ERBB4: variants seen among roughly 807,000 people sequenced by gnomAD.
ERBB4 encodes erb-b2 receptor tyrosine kinase 4.
Under a neutral mutation model 158.0 loss-of-function variants are expected in ERBB4, and 42 were observed. The ratio of observed to expected loss-of-function variants is 0.27; its 90% CI spans 0.21 to 0.34. The LOEUF (loss-of-function observed/expected upper bound fraction) is 0.34, where lower values mean the gene tolerates loss of function less well. ERBB4 is among the 10% of genes least tolerant of loss of function. The pLI is 1.00. For missense variants in ERBB4, 1,333 were observed against 1,624.1 expected (o/e 0.82, Z 3.08); for synonymous variants, 583 against 558.7 (o/e 1.04, Z -0.61).
chr2:211,716,495 T>C (rs2073912324), intron 7 of ERBB4, among the ~76,000 whole-genome samples: 1 of 143,646 alleles, frequency 7.0e-6, no homozygotes, highest in Non-Finnish European at 1.5e-5. Flanking sequence ...GCTAACACGG[T>C]GAAACCCCGT....
intron 1 of ERBB4, among the ~76,000 whole-genome samples, chr2:212,522,173 ACAAG>A (rs565663648): frequency 7.6e-4 from 115 of 152,130 alleles, no homozygotes; most frequent in African/African-American, 2.6e-3. Context: ...AGCCACCTGC[ACAAG>A]TGTGGCCATT....
Position 212,474,626 on chromosome 2 carries a change from G to A in ERBB4, c.82+63823C>T, listed in dbSNP as rs766253508. Among the ~76,000 whole-genome samples, 2 of 151,892 alleles carry A rather than the reference G, an allele frequency of 1.3e-5. 1 individual carries two copies. The highest frequency in any genetic ancestry group is 4.1e-4 in the South Asian group (2 of 4,822). On this transcript the variant is annotated intron_variant, in intron 1 of 27. Transcript: ENST00000342788. ...TTCCTGAAGGTTTTGTCCTTGTCTTGCTCCTCCTCTCCGTCTTTTTGACCC... is the reference window on the plus strand; with the variant it reads ...TTCCTGAAGGTTTTGTCCTTGTCTTACTCCTCCTCTCCGTCTTTTTGACCC...
At chr2:211,498,404 A>T (rs1236103513) in intron 20 of ERBB4, among the ~76,000 whole-genome samples, 2 of 152,106 alleles carry the variant, frequency 1.3e-5, no homozygotes, top group African/African-American at 2.4e-5. Context: ...TTAAAGTTTT[A>T]TATATATCTA....
chr2:211,714,187 A>G (rs1453146821), intron 7 of ERBB4, among the ~76,000 whole-genome samples: 5 of 152,256 alleles, frequency 3.3e-5, no homozygotes, highest in Admixed American at 1.3e-4. Flanking sequence ...TGGAAAAGGT[A>G]TATCAAATAG....
At chr2:212,001,746 C>A (rs571141670) in intron 2 of ERBB4, among the ~76,000 whole-genome samples, 1 of 152,088 alleles carries the variant, frequency 6.6e-6, no homozygotes. Context: ...GAAATAGCAT[C>A]TCTTTTCTTG....
intron 1 of ERBB4, among the ~76,000 whole-genome samples, chr2:212,265,474 T>A (rs569378297): frequency 1.3e-5 from 2 of 152,074 alleles, no homozygotes; most frequent in African/African-American, 4.8e-5. Flanking sequence ...ATAGCTCCTA[T>A]CCTAAGAACT....
At chr2:212,342,874 CTGATCTA>C (rs1322291254) in intron 1 of ERBB4, among the ~76,000 whole-genome samples, 2 of 152,164 alleles carry the variant, frequency 1.3e-5, no homozygotes, top group African/African-American at 4.8e-5. Flanking sequence ...TATCTAACTT[CTGATCTA>C]TGAGTAAATA....
chr2:212,319,271 A>G (rs911207770), intron 1 of ERBB4, among the ~76,000 whole-genome samples: 1 of 150,984 alleles, frequency 6.6e-6, no homozygotes, highest in African/African-American at 2.4e-5. Context: ...GTAAGGAACA[A>G]ATACACCCAC....
intron 1 of ERBB4, among the ~76,000 whole-genome samples, chr2:212,178,285 G>A (rs1054602037): frequency 6.6e-6 from 1 of 151,526 alleles, no homozygotes; most frequent in African/African-American, 2.4e-5. Context: ...ATTGGAGGAT[G>A]TTTAAGGTTT....
Position 211,754,140 on chromosome 2 carries a change from G to A in ERBB4, c.557-3436C>T, listed in dbSNP as rs924471278. 2.6e-5 allele frequency among the ~76,000 whole-genome samples: 4 copies of A among 152,156 alleles called. No homozygotes were observed. In the South Asian group the frequency reaches 6.2e-4, roughly 24 times the overall value. On this transcript the variant is annotated intron_variant, in intron 4 of 27. Coordinates refer to ENST00000342788, the MANE Select transcript of ERBB4 (RefSeq NM_005235.3). ...CTCCCAAAGTGCTGGGATTACAGGC[G>A]TAAGCCACCGCGCCTGGCCAAAAGT...
At chr2:211,977,584 TCCTAGCGCTTTGGGAG>T (rs2081648976) in intron 2 of ERBB4, among the ~76,000 whole-genome samples, 1 of 134,632 alleles carries the variant, frequency 7.4e-6, no homozygotes, top group African/African-American at 2.7e-5. Context: ...ATACCTGTAA[TCCTAGCGCTTTGGGAG>T]CCCAAGGCGG....
chr2:211,416,625 A>T (rs2063398685), intron 25 of ERBB4, among the ~76,000 whole-genome samples: 1 of 152,224 alleles, frequency 6.6e-6, no homozygotes, highest in South Asian at 2.1e-4. Context: ...AATTACTTGT[A>T]TAACAATCAG....
At chr2:211,583,236 C>A (rs1276641347) in intron 19 of ERBB4, among the ~76,000 whole-genome samples, 1 of 151,886 alleles carries the variant, frequency 6.6e-6, no homozygotes, top group Admixed American at 6.5e-5. Flanking sequence ...CAGCCATATT[C>A]TAAAAATAAT....
intron 5 of ERBB4, among the ~76,000 whole-genome samples, chr2:211,725,824 AAAGG>A (rs56406991): frequency 1.2e-4 from 18 of 150,500 alleles, no homozygotes; most frequent in East Asian, 7.7e-4. Context: ...ACGAGGAAAG[AAAGG>A]AAGGAAGGAA....
At chr2:211,699,169 G>A (rs1338839222) in intron 12 of ERBB4, among the ~76,000 whole-genome samples, 3 of 152,146 alleles carry the variant, frequency 2.0e-5, no homozygotes, top group Admixed American at 1.3e-4. Flanking sequence ...GCATGTAAAT[G>A]TAGGTGAGCA....
At chr2:211,946,478 T>A (rs2080694459) in intron 3 of ERBB4, among the ~76,000 whole-genome samples, 2 of 151,692 alleles carry the variant, frequency 1.3e-5, no homozygotes, top group South Asian at 4.1e-4. Flanking sequence ...ACTACAGGTT[T>A]GGATGCAAAA....
intron 3 of ERBB4, among the ~76,000 whole-genome samples, chr2:211,927,550 G>A (rs2080049158): frequency 1.3e-5 from 2 of 152,034 alleles, no homozygotes; most frequent in South Asian, 4.1e-4. Flanking sequence ...TAAATAATGA[G>A]ATTCTAAAAT....
chr2:211,389,709 AATG>A (rs1363044678), intron 25 of ERBB4, among the ~76,000 whole-genome samples: 1 of 152,192 alleles, frequency 6.6e-6, no homozygotes, highest in Non-Finnish European at 1.5e-5. Flanking sequence ...CTCCAGTTCC[AATG>A]ATAAGTGGTG....
At chr2:211,469,175 G>C (rs1463197422) in intron 20 of ERBB4, among the ~76,000 whole-genome samples, 1 of 152,098 alleles carries the variant, frequency 6.6e-6, no homozygotes, top group Non-Finnish European at 1.5e-5. Flanking sequence ...TCACCTTCCT[G>C]TCCATGGTCC....
Sources: allele counts gnomAD v4.1 joint callset (sites outside exome capture counted in the v4.1 genomes callset), GRCh38; gene constraint gnomAD v4.1.1; transcripts MANE v1.5; gene names NCBI Gene and HGNC (gene_info 2026-07-23, HGNC 2026-07-21).